The following SGCZ variants were observed in gnomAD, a reference collection of about 807,000 sequenced individuals.
SGCZ encodes zeta-sarcoglycan.
SGCZ carries 40 observed loss-of-function variants against 41.3 expected under a neutral mutation model. That is an observed-to-expected ratio of 0.97 (90% CI 0.75 to 1.26). SGCZ has a LOEUF of 1.26. Ranked by LOEUF, SGCZ falls within the 50% of genes most tolerant of loss-of-function variation. The probability of loss-of-function intolerance (pLI) is 0.00; values close to 1 mark genes in which losing one functional copy is unlikely to be tolerated. For missense variants in SGCZ, 552 were observed against 369.8 expected (o/e 1.49, Z -4.04); for synonymous variants, 206 against 137.5 (o/e 1.50, Z -3.49).
At position 14,394,424 on chromosome 8, in the gene SGCZ, C is replaced by T. The variant is rs569122119; in HGVS notation, c.235-70220G>A. Among the ~76,000 whole-genome samples, 119 of 152,268 alleles carry T rather than the reference C, an allele frequency of 7.8e-4. 1 individual carries two copies. Among genetic ancestry groups the T allele is most frequent in the African/African-American group, 2.3e-3 (94 of 41,556 alleles). On this transcript the variant is annotated intron_variant, in intron 2 of 7. Transcript: ENST00000382080. ...TCGGCCTTTCAAAGTGCTGGGATTACAGGCATGAGCCACCGTGCCCAGCCC... is the reference window on the plus strand; with the variant it reads ...TCGGCCTTTCAAAGTGCTGGGATTATAGGCATGAGCCACCGTGCCCAGCCC...
Position 14,550,847 on chromosome 8 carries a change from T to G in SGCZ, c.234+3885A>C, listed in dbSNP as rs114013212. Among the ~76,000 whole-genome samples, 427 of 152,106 alleles carry G rather than the reference T, an allele frequency of 2.8e-3. 5 individuals carry two copies. Among genetic ancestry groups the G allele is most frequent in the African/African-American group, 9.2e-3 (383 of 41,516 alleles). On this transcript the variant is annotated intron_variant, in intron 2 of 7. Coordinates refer to ENST00000382080, the MANE Select transcript of SGCZ (RefSeq NM_139167.4). ...AAATGGAGAAAATATCGTAAAATGATCTCTTGTAATGTACAGATAGTTGTT... is the reference window on the plus strand; with the variant it reads ...AAATGGAGAAAATATCGTAAAATGAGCTCTTGTAATGTACAGATAGTTGTT...
chr8:14,235,146 G>C lies in SGCZ; in HGVS notation c.424+2446C>G, dbSNP rs868243130. Among the ~76,000 whole-genome samples, 46 of 152,254 alleles carry C rather than the reference G, an allele frequency of 3.0e-4. 2 individuals are homozygous for C. The Middle Eastern group carries it at 0.024, about 79-fold the overall frequency. ...AGATGAGAAAACGGAGTGTCCAAAAGATTAACTATTTCATTGGCACCCAAC... is the reference window on the plus strand; with the variant it reads ...AGATGAGAAAACGGAGTGTCCAAAACATTAACTATTTCATTGGCACCCAAC... On this transcript the variant is annotated intron_variant, in intron 4 of 7. Coordinates refer to ENST00000382080, the MANE Select transcript of SGCZ (RefSeq NM_139167.4).
At chr8:15,203,153 C>T (rs1800949693) in intron 1 of SGCZ, among the ~76,000 whole-genome samples, 1 of 152,056 alleles carries the variant, frequency 6.6e-6, no homozygotes, top group Non-Finnish European at 1.5e-5. Flanking sequence ...GTGCCTTACC[C>T]CAAGACCCTC....
At chr8:14,966,771 T>A (rs1801140082) in intron 1 of SGCZ, among the ~76,000 whole-genome samples, 1 of 149,718 alleles carries the variant, frequency 6.7e-6, no homozygotes, top group African/African-American at 2.6e-5. Flanking sequence ...ATAGAAAAGA[T>A]GTGTTATCCA....
chr8:15,008,976 TA>T (rs1161457949), intron 1 of SGCZ, among the ~76,000 whole-genome samples: 3 of 152,162 alleles, frequency 2.0e-5, no homozygotes, highest in African/African-American at 7.2e-5. Flanking sequence ...CACACAATAC[TA>T]GGTTATAAAA....
rs537414950 is a variant in SGCZ, at chr8:14,425,424, C to A, written c.235-101220G>T. 1.7e-4 allele frequency among the ~76,000 whole-genome samples: 26 copies of A among 152,070 alleles called. No individual in the cohort carries two copies. The South Asian group carries it at 3.1e-3, about 18-fold the overall frequency. ...TCACCTGAGGTCAGGAGTTTGAGAC[C>A]AGTCTGGCCAACATGATGAAACCCC... On this transcript the variant is annotated intron_variant, in intron 2 of 7. Transcript: ENST00000382080.
intron 7 of SGCZ, among the ~76,000 whole-genome samples, chr8:14,090,868 T>C (rs902631867): frequency 2.6e-5 from 4 of 151,998 alleles, no homozygotes; most frequent in African/African-American, 4.8e-5. Flanking sequence ...GCCCTCAATC[T>C]GAAAAGCAAC....
At chr8:14,528,179 T>C (rs1253391999) in intron 2 of SGCZ, among the ~76,000 whole-genome samples, 3 of 152,094 alleles carry the variant, frequency 2.0e-5, no homozygotes, top group Non-Finnish European at 2.9e-5. Context: ...AATAGATTGA[T>C]ACCAAATTAT....
intron 1 of SGCZ, among the ~76,000 whole-genome samples, chr8:14,916,346 C>T (rs551273952): frequency 1.3e-5 from 2 of 152,122 alleles, no homozygotes; most frequent in Admixed American, 6.5e-5. Flanking sequence ...CAGGAAAGCC[C>T]GAAGTTTCAG....
intron 1 of SGCZ, among the ~76,000 whole-genome samples, chr8:14,589,544 T>C (rs890102275): frequency 6.6e-6 from 1 of 152,124 alleles, no homozygotes; most frequent in African/African-American, 2.4e-5. Context: ...CTTTCAAAAA[T>C]GAATCTTGAG....
intron 1 of SGCZ, among the ~76,000 whole-genome samples, chr8:15,192,733 C>T (rs1800582180): frequency 6.6e-6 from 1 of 152,106 alleles, no homozygotes; most frequent in African/African-American, 2.4e-5. Context: ...ACCATTTCCA[C>T]TGAAGTCTTC....
rs541958679 is a variant in SGCZ, at chr8:14,812,623, C to T, written c.40-257697G>A. On this transcript the variant is annotated intron_variant, in intron 1 of 7. Transcript: ENST00000382080. ...GCCTCCAAACACCCTAAAATATATTCAGCACAAAACTATATAAGTGAGCTA... is the reference window on the plus strand; with the variant it reads ...GCCTCCAAACACCCTAAAATATATTTAGCACAAAACTATATAAGTGAGCTA... Among the ~76,000 whole-genome samples the T allele has an allele frequency of 7.9e-5, 12 of 152,166 alleles. No homozygotes were observed. In the East Asian group the frequency reaches 1.9e-3, roughly 25 times the overall value.
chr8:14,341,856 A>G (rs919423946), intron 2 of SGCZ, among the ~76,000 whole-genome samples: 2 of 152,178 alleles, frequency 1.3e-5, no homozygotes, highest in East Asian at 1.9e-4. Context: ...AAGCCTCCCA[A>G]CTATGTGGAA....
chr8:14,803,617 G>C (rs1016588809), intron 1 of SGCZ, among the ~76,000 whole-genome samples: 2 of 152,138 alleles, frequency 1.3e-5, no homozygotes, highest in Non-Finnish European at 2.9e-5. Context: ...ACAGCAGTCT[G>C]AGATCAAACT....
At chr8:14,359,123 C>T (rs541309386) in intron 2 of SGCZ, among the ~76,000 whole-genome samples, 1 of 151,822 alleles carries the variant, frequency 6.6e-6, no homozygotes, top group South Asian at 2.1e-4. Context: ...CCTAGAGAAA[C>T]AAAGTACAAG....
intron 1 of SGCZ, among the ~76,000 whole-genome samples, chr8:15,190,879 C>A (rs969765776): frequency 6.6e-6 from 1 of 151,990 alleles, no homozygotes; most frequent in African/African-American, 2.4e-5. Context: ...TCAATCACAA[C>A]TGGAAAAGGT....
At chr8:15,197,489 G>A (rs537753252) in intron 1 of SGCZ, among the ~76,000 whole-genome samples, 3 of 152,224 alleles carry the variant, frequency 2.0e-5, no homozygotes, top group African/African-American at 4.8e-5. Flanking sequence ...AGGAAGCACT[G>A]GTATCTTCGC....
chr8:14,953,433 A>C (rs1800702999), intron 1 of SGCZ, among the ~76,000 whole-genome samples: 1 of 152,184 alleles, frequency 6.6e-6, no homozygotes, highest in Non-Finnish European at 1.5e-5. Flanking sequence ...TGGGAATTAC[A>C]ATTCGACATG....
At position 14,251,483 on chromosome 8, in the gene SGCZ, T is replaced by C. The variant is rs146457006; in HGVS notation, c.337-13804A>G. Among the ~76,000 whole-genome samples, 1,007 of 152,198 alleles carry C rather than the reference T, an allele frequency of 6.6e-3. 10 individuals are homozygous for C. Among genetic ancestry groups the C allele is most frequent in the African/African-American group, 0.023 (952 of 41,532 alleles). On this transcript the variant is annotated intron_variant, in intron 3 of 7. Transcript: ENST00000382080. ...AAAGGAGCCACAAACAAGAACTGAA[T>C]GGGCATGTCTGTATTATACCAAAGT...
Sources: gnomAD v4.1 joint callset for allele counts (sites outside exome capture counted in the v4.1 genomes callset) on GRCh38, gnomAD v4.1.1 for gene constraint, MANE v1.5 for transcripts, NCBI Gene and HGNC (gene_info 2026-07-23, HGNC 2026-07-21) for gene names.